SLC25A28: variants seen among roughly 807,000 people sequenced by gnomAD.
SLC25A28 encodes the protein mitoferrin-2.
Under a neutral mutation model 31.9 loss-of-function variants are expected in SLC25A28, and 10 were observed. The ratio of observed to expected loss-of-function variants is 0.31; its 90% CI spans 0.19 to 0.53. The LOEUF (loss-of-function observed/expected upper bound fraction) is 0.53, where lower values mean the gene tolerates loss of function less well. SLC25A28 is among the 20% of genes least tolerant of loss of function. SLC25A28 has a pLI of 0.95. For synonymous variants in SLC25A28, 208 were observed against 203.6 expected (o/e 1.02, Z -0.19); for missense variants, 256 against 490.3 (o/e 0.52, Z 4.51).
chr10:99,610,865 C>T lies in SLC25A28; in HGVS notation c.1079G>A (p.Trp360Ter). The part of the protein sequence containing the change: ...KYLITKRQEE[W>*]RAGK ...AGTGCTACTTCACTTGCCAGCCCTC[C>T]ACTCTTCTTGCCTTTTAGTGATTAG... The change falls in exon 4 of 4, where the codon TGG becomes TAG. Residue 360 changes from tryptophan (W) to a stop codon, truncating the protein, a stop_gained. Transcript: ENST00000370495. LOFTEE classifies it high-confidence loss of function. 1 of 1,613,698 alleles carries T rather than the reference C, an allele frequency of 6.2e-7. No individual in the cohort carries two copies. Among genetic ancestry groups the T allele is most frequent in the Admixed American group, 1.7e-5 (1 of 60,016 alleles).
upstream of SLC25A28, chr10:99,620,660 C>T: frequency 2.0e-6 from 2 of 988,128 alleles, no homozygotes; most frequent in South Asian, 9.4e-5. Context: ...ACTGATTGGC[C>T]GACATGTGCG....
chr10:99,658,812 A>AACAC, the SLC25A28 span, among the ~76,000 whole-genome samples: 4 of 152,088 alleles, frequency 2.6e-5, no homozygotes, highest in African/African-American at 9.7e-5. Flanking sequence ...GCAAGAAAGA[A>AACAC]ACACACACAC....
chr10:99,624,597 G>T (rs2034850727), upstream of SLC25A28, among the ~76,000 whole-genome samples: 1 of 152,234 alleles, frequency 6.6e-6, no homozygotes, highest in Non-Finnish European at 1.5e-5. Context: ...CACTTTGGGA[G>T]ACCGAGGCAG....
At chr10:99,620,637 T>G, upstream of SLC25A28, 4 of 989,572 alleles carry the variant, frequency 4.0e-6, no homozygotes, top group Non-Finnish European at 3.6e-6. Context: ...TAGAAGCTTC[T>G]TGTTTATTGG....
chr10:99,611,401 C>A lies in SLC25A28; in HGVS notation c.578-35G>T. ...CCATCAACGAGGAAGGAAATGGTGA[C>A]AGCAGCCAACCGGTGATGGAGAGTA... On this transcript the variant is annotated intron_variant, in intron 3 of 3. Transcript: ENST00000370495. This position sits in a 1 kb window ranked among gnomAD's most constrained non-coding sequence, Gnocchi z 5.5. 6.2e-7 allele frequency: 1 copy of A among 1,606,118 alleles called. No homozygotes were observed.
intron 1 of SLC25A28, chr10:99,617,208 G>C: frequency 1.0e-6 from 1 of 985,370 alleles, no homozygotes; most frequent in Non-Finnish European, 1.2e-6. Flanking sequence ...ATAAAGTCTG[G>C]CGCTTGCCTT....
At chr10:99,627,615 G>T in the SLC25A28 span, among the ~76,000 whole-genome samples, 1 of 151,540 alleles carries the variant, frequency 6.6e-6, no homozygotes, top group Non-Finnish European at 1.5e-5. Flanking sequence ...TAATTTTTTT[G>T]AATTTTAGTA....
In SLC25A28 at chr10:99,620,207, G is replaced by A; in HGVS notation, c.129C>T (p.Gly43=). 7.7e-7 allele frequency: 1 copy of A among 1,291,278 alleles called. No homozygotes were observed. 80.0% of individuals were successfully genotyped at this position (1,291,278 alleles called of 1,614,324 possible). The change falls in exon 1 of 4, where the codon GGC becomes GGT. Residue 43 remains glycine, a synonymous_variant. Coordinates refer to ENST00000370495, the MANE Select transcript of SLC25A28 (RefSeq NM_031212.4). ...LQRGVGRGAG[G]GEAGACRPPV... ...GGGGCCTGCAGGCCCCGGCCTCCCC[G>A]CCGCCGGCCCCCCGGCCCACGCCCC...
chr10:99,629,678 T>G, the SLC25A28 span, among the ~76,000 whole-genome samples: 1 of 152,220 alleles, frequency 6.6e-6, no homozygotes, highest in Non-Finnish European at 1.5e-5. Flanking sequence ...TCCACTTATA[T>G]GAAATATCCA....
At chr10:99,624,736 G>A (rs2034852659), upstream of SLC25A28, among the ~76,000 whole-genome samples, 1 of 152,130 alleles carries the variant, frequency 6.6e-6, no homozygotes, top group African/African-American at 2.4e-5. Context: ...TCAGGAGGCT[G>A]AGGTGGGAGA....
chr10:99,621,487 T>TCTGAAGCATCAGTATTTTGTCC (rs1209113395), upstream of SLC25A28: 9 of 152,246 alleles, frequency 5.9e-5, no homozygotes, highest in African/African-American at 9.7e-5. Context: ...CCTGGCCGAG[T>TCTGAAGCATCAGTATTTTGTCC]CTGAAGCATC....
chr10:99,640,308 T>C, the SLC25A28 span, among the ~76,000 whole-genome samples: 4 of 152,218 alleles, frequency 2.6e-5, no homozygotes. Context: ...ACTTCCACAG[T>C]GGCTCACTCA....
the SLC25A28 span, among the ~76,000 whole-genome samples, chr10:99,633,890 G>A: frequency 4.1e-4 from 62 of 152,180 alleles, 2 homozygotes; most frequent in East Asian, 0.012. Context: ...AATCCTCACA[G>A]AGTCCATTTC....
At chr10:99,614,185 C>G (rs2034596145) in intron 1 of SLC25A28, among the ~76,000 whole-genome samples, 1 of 152,192 alleles carries the variant, frequency 6.6e-6, no homozygotes, top group African/African-American at 2.4e-5. Flanking sequence ...CCTGGTACTC[C>G]AAAATGATTC....
chr10:99,612,993 A>T (rs936668336), intron 2 of SLC25A28, among the ~76,000 whole-genome samples: 1 of 152,128 alleles, frequency 6.6e-6, no homozygotes, highest in Non-Finnish European at 1.5e-5. Flanking sequence ...GAACCTCACC[A>T]CAGAATCCCA....
At chr10:99,628,351 A>G in the SLC25A28 span, among the ~76,000 whole-genome samples, 1 of 152,238 alleles carries the variant, frequency 6.6e-6, no homozygotes, top group Non-Finnish European at 1.5e-5. Context: ...GTACATGTTT[A>G]CATGTTTTCA....
the SLC25A28 span, among the ~76,000 whole-genome samples, chr10:99,655,186 T>C: frequency 6.6e-6 from 1 of 152,076 alleles, no homozygotes; most frequent in African/African-American, 2.4e-5. Context: ...TATGGCGGTG[T>C]GCGCCTGTAA....
At chr10:99,633,216 T>G in the SLC25A28 span, among the ~76,000 whole-genome samples, 1 of 152,186 alleles carries the variant, frequency 6.6e-6, no homozygotes, top group Admixed American at 6.5e-5. Flanking sequence ...TCCTGGCTGT[T>G]CTCCAGGTCC....
Position 99,618,556 on chromosome 10 carries a change from T to C in SLC25A28, c.291+1489A>G, listed in dbSNP as rs1056451481. The C allele has an allele frequency of 6.1e-6, 6 of 985,284 alleles. No homozygotes were observed. In the East Asian group the frequency reaches 3.4e-4, roughly 56 times the overall value. 61.0% of individuals were successfully genotyped at this position (985,284 alleles called of 1,614,324 possible). On this transcript the variant is annotated intron_variant, in intron 1 of 3. Transcript: ENST00000370495. ...CATATAATGTGTGCATCTTTTTTAT[T>C]TATACTTGTTTTACATTTCAATGTT...
Sources: allele counts gnomAD v4.1 joint callset (sites outside exome capture counted in the v4.1 genomes callset), GRCh38; gene constraint gnomAD v4.1.1; non-coding constraint Gnocchi (gnomAD v3.1); transcripts MANE v1.5; gene names NCBI Gene and HGNC (gene_info 2026-07-23, HGNC 2026-07-21).